VPS53: variants seen among roughly 807,000 people sequenced by gnomAD.
VPS53 encodes the protein vacuolar protein sorting-associated protein 53 homolog.
A neutral mutation model predicts 107.0 loss-of-function variants in VPS53; 70 were observed. That is an observed-to-expected ratio of 0.65 (90% CI 0.54 to 0.80). The LOEUF (loss-of-function observed/expected upper bound fraction) is 0.80. Among genes scored for constraint, VPS53 ranks in the 30% least tolerant of loss-of-function variants. The pLI, the probability that VPS53 is intolerant of heterozygous loss-of-function variation, is 0.00. For missense variants in VPS53, 917 were observed against 1,049.4 expected (o/e 0.87, Z 1.74); for synonymous variants, 409 against 393.3 (o/e 1.04, Z -0.47).
At position 610,037 on chromosome 17, in the gene VPS53, A is replaced by G. The variant is rs370731602; in HGVS notation, c.1117-8141T>C. Among the ~76,000 whole-genome samples, 653 of 151,568 alleles carry G rather than the reference A, an allele frequency of 4.3e-3. 6 individuals carry two copies. Among genetic ancestry groups the G allele is most frequent in the African/African-American group, 0.015 (628 of 41,366 alleles). The stretch of plus-strand genomic sequence containing the variant: ...GTCCCAGCTACGCGGAGGCTGAGGC[A>G]GGAGAATGGCGTGAACCCAGGAGGC... On this transcript the variant is annotated intron_variant, in intron 11 of 21. Transcript: ENST00000437048.
intron 11 of VPS53, among the ~76,000 whole-genome samples, chr17:613,943 T>C (rs1443158811): frequency 6.6e-6 from 1 of 152,178 alleles, no homozygotes; most frequent in Non-Finnish European, 1.5e-5. Context: ...TATTCAGCCA[T>C]CAAAATGATG....
At chr17:701,213 G>A (rs1160630490) in intron 2 of VPS53, among the ~76,000 whole-genome samples, 1 of 151,714 alleles carries the variant, frequency 6.6e-6, no homozygotes, top group Non-Finnish European at 1.5e-5. Flanking sequence ...GCAGTCCCAG[G>A]TACTCAGGAG....
intron 17 of VPS53, among the ~76,000 whole-genome samples, chr17:542,580 A>G (rs1161995601): frequency 6.6e-6 from 1 of 152,240 alleles, no homozygotes; most frequent in Non-Finnish European, 1.5e-5. Context: ...GAATACTTGC[A>G]CTATCACTAA....
At chr17:544,360 C>A (rs568016060) in intron 17 of VPS53, among the ~76,000 whole-genome samples, 1 of 152,290 alleles carries the variant, frequency 6.6e-6, no homozygotes, top group African/African-American at 2.4e-5. Context: ...AACATCTGGT[C>A]GGGCACGATG....
chr17:584,220 G>C (rs1967200464), intron 13 of VPS53, among the ~76,000 whole-genome samples: 1 of 152,196 alleles, frequency 6.6e-6, no homozygotes, highest in Admixed American at 6.5e-5. Flanking sequence ...TGGGAGCCCA[G>C]GCCAGTCTGT....
At chr17:603,147 G>A (rs908304035) in intron 11 of VPS53, among the ~76,000 whole-genome samples, 7 of 152,166 alleles carry the variant, frequency 4.6e-5, no homozygotes, top group East Asian at 1.9e-4. Context: ...CACAAAGGCC[G>A]GGTGCAGTGG....
chr17:605,306 C>A (rs1968513726), intron 11 of VPS53, among the ~76,000 whole-genome samples: 1 of 152,164 alleles, frequency 6.6e-6, no homozygotes. Flanking sequence ...GAAAGTGCTT[C>A]TACACACAGG....
At position 520,516 on chromosome 17, in the gene VPS53, A is replaced by G. The variant is rs1162195839; in HGVS notation, c.2224-586T>C. ...AAATCTGTAACTTCATGTAACGACT[A>G]ACTTAAACTATCAATTAACATACAA... On this transcript the variant is annotated intron_variant, in intron 20 of 21. Coordinates refer to ENST00000437048, the MANE Select transcript of VPS53 (RefSeq NM_001128159.3). This position sits in a 1 kb window ranked among gnomAD's most constrained non-coding sequence, Gnocchi z 4.4. Among the ~76,000 whole-genome samples the G allele has an allele frequency of 6.6e-6, 1 of 152,222 alleles. No individual in the cohort carries two copies. Among genetic ancestry groups the G allele is most frequent in the Non-Finnish European group, 1.5e-5 (1 of 68,034 alleles).
intron 7 of VPS53, among the ~76,000 whole-genome samples, chr17:642,638 G>A (rs1394149875): frequency 1.3e-5 from 2 of 150,432 alleles, no homozygotes; most frequent in East Asian, 2.1e-4. Flanking sequence ...CTTGGAAAGC[G>A]AGGACAACAC....
chr17:520,803 A>G lies in VPS53; in HGVS notation c.2223+798T>C, dbSNP rs577710252. 2.2e-4 allele frequency among the ~76,000 whole-genome samples: 33 copies of G among 151,756 alleles called. No individual in the cohort carries two copies. Among genetic ancestry groups the G allele is most frequent in the African/African-American group, 2.7e-4 (11 of 41,416 alleles). ...ACATGAGCTCTTCACCCTCACCTAC[A>G]TGAGCTGCTTCACCCTCACCTACAT... is the stretch of plus-strand genomic sequence containing the variant. On this transcript the variant is annotated intron_variant, in intron 20 of 21. Transcript: ENST00000437048. The surrounding 1 kb of genome is among the most constrained non-coding windows in gnomAD (Gnocchi z 4.4).
intron 17 of VPS53, among the ~76,000 whole-genome samples, chr17:542,608 T>A (rs1001707084): frequency 6.6e-6 from 1 of 152,172 alleles, no homozygotes; most frequent in African/African-American, 2.4e-5. Flanking sequence ...TAAATTTCGA[T>A]AACTGATAAT....
chr17:650,793 A>C (rs1421022995), intron 7 of VPS53, among the ~76,000 whole-genome samples: 2 of 152,222 alleles, frequency 1.3e-5, no homozygotes, highest in Non-Finnish European at 2.9e-5. Flanking sequence ...AAGAATTAGA[A>C]ACAACGACCT....
chr17:630,760 G>A (rs1047165652), intron 8 of VPS53, among the ~76,000 whole-genome samples: 4 of 152,180 alleles, frequency 2.6e-5, no homozygotes, highest in Non-Finnish European at 4.4e-5. Context: ...GTAAATGAAT[G>A]TATGTCCCCA....
chr17:664,341 G>C (rs1971591403), intron 4 of VPS53, among the ~76,000 whole-genome samples: 1 of 152,116 alleles, frequency 6.6e-6, no homozygotes, highest in Admixed American at 6.6e-5. Flanking sequence ...GCCTCCCAAA[G>C]TGCTGGGATT....
intron 4 of VPS53, among the ~76,000 whole-genome samples, chr17:693,866 C>T (rs558184836): frequency 6.6e-6 from 1 of 152,194 alleles, no homozygotes; most frequent in Non-Finnish European, 1.5e-5. Flanking sequence ...GCTTAGGAAG[C>T]GAGTGCTGAA....
chr17:595,921 A>T (rs1010953412), intron 12 of VPS53, among the ~76,000 whole-genome samples: 1 of 132,104 alleles, frequency 7.6e-6, no homozygotes, highest in Non-Finnish European at 1.6e-5. Context: ...GGGAGATGGG[A>T]AGGGGTCTGG....
At chr17:596,180 G>C (rs1185701711) in intron 12 of VPS53, among the ~76,000 whole-genome samples, 1 of 152,216 alleles carries the variant, frequency 6.6e-6, no homozygotes, top group African/African-American at 2.4e-5. Flanking sequence ...ATGTGAAGAA[G>C]TTTTAGAAAT....
At chr17:575,919 G>A (rs1234103812) in intron 13 of VPS53, among the ~76,000 whole-genome samples, 3 of 150,632 alleles carry the variant, frequency 2.0e-5, no homozygotes, top group Non-Finnish European at 4.4e-5. Flanking sequence ...ACCCTAATGC[G>A]TTCCCAGAGA....
chr17:654,715 C>T (rs1189766764), intron 6 of VPS53, among the ~76,000 whole-genome samples: 2 of 131,832 alleles, frequency 1.5e-5, no homozygotes, highest in South Asian at 2.3e-4. Context: ...CCAGCCTGGG[C>T]GACAGAGCCA....
Sources: gnomAD v4.1 joint callset for allele counts (sites outside exome capture counted in the v4.1 genomes callset) on GRCh38, gnomAD v4.1.1 for gene constraint, Gnocchi (gnomAD v3.1) non-coding constraint, MANE v1.5 for transcripts, NCBI Gene and HGNC (gene_info 2026-07-23, HGNC 2026-07-21) for gene names.